Variants in ENDOD1 observed in about 807,000 individuals in gnomAD.
ENDOD1 encodes endonuclease domain-containing 1 protein.
Under a neutral mutation model 6.5 loss-of-function variants are expected in ENDOD1, and 9 were observed. The observed-to-expected ratio is 1.39, with a 90% CI of 0.84 to 2.43. The LOEUF (loss-of-function observed/expected upper bound fraction) is 2.43. Ranked by LOEUF, ENDOD1 falls within the 30% of genes most tolerant of loss-of-function variation. The pLI is 0.00. For missense variants in ENDOD1, 648 were observed against 635.5 expected, an observed-to-expected ratio of 1.02 and a Z score of -0.21; for synonymous variants, 255 against 255.2, an observed-to-expected ratio of 1.00 and a Z score of 0.01.
In ENDOD1 at chr11:95,130,099, TTG is replaced by T. The variant is rs1859356651; in HGVS notation, c.*522_*523del. On this transcript the variant is annotated 3_prime_UTR_variant, in exon 2 of 2. Coordinates refer to ENST00000278505, the MANE Select transcript of ENDOD1 (RefSeq NM_015036.3). ...TTGGTGGAATGCAGATAATGCCTCT[TTG>T]TTGAAATAACTTTGTGGGAATGTAC... 6.5e-6 allele frequency: 1 copy of T among 152,676 alleles called. No homozygotes were observed. Among genetic ancestry groups the T allele is most frequent in the African/African-American group, 2.4e-5 (1 of 41,458 alleles). 9.5% of individuals were successfully genotyped at this position (152,676 alleles called of 1,614,324 possible). A position where few individuals can be genotyped will look rare whatever the true frequency, so the allele number is the denominator to read the frequency against.
At chr11:95,094,145 AC>A (rs1358907231) in intron 1 of ENDOD1, among the ~76,000 whole-genome samples, 4 of 148,382 alleles carry the variant, frequency 2.7e-5, no homozygotes, top group African/African-American at 9.8e-5. Context: ...AATATATTAT[AC>A]ATATTAATTA....
intron 1 of ENDOD1, among the ~76,000 whole-genome samples, chr11:95,116,072 C>T (rs2134170853): frequency 6.6e-6 from 1 of 152,176 alleles, no homozygotes; most frequent in East Asian, 1.9e-4. Context: ...GGTATTAGTT[C>T]TTCTTTAAGT....
At chr11:95,123,050 G>A (rs1033499426) in intron 1 of ENDOD1, among the ~76,000 whole-genome samples, 3 of 152,034 alleles carry the variant, frequency 2.0e-5, no homozygotes, top group African/African-American at 4.8e-5. Context: ...TTAGCCAGGT[G>A]TGGTGGCACG....
intron 1 of ENDOD1, among the ~76,000 whole-genome samples, chr11:95,095,166 T>C (rs577451764): frequency 4.1e-4 from 63 of 152,336 alleles, no homozygotes; most frequent in African/African-American, 1.4e-3. Flanking sequence ...AAATGCTTGG[T>C]GTATGTCCCA....
At position 95,129,206 on chromosome 11, in the gene ENDOD1, A is replaced by G. The variant is rs1859344970; in HGVS notation, c.1130A>G (p.Tyr377Cys). ...ATTAATGGCATAGAAAGTTGCCTTT[A>G]CCGCCTGGGCTCAGCCACCATCTCA... ...QVINGIESCL[Y>C]RLGSATISYF... Residue 377 changes from tyrosine (Y) to cysteine (C), a missense_variant, in exon 2 of 2, where the codon TAC becomes TGC. Coordinates refer to ENST00000278505, the MANE Select transcript of ENDOD1 (RefSeq NM_015036.3). 4 of 1,614,160 alleles carry G rather than the reference A, an allele frequency of 2.5e-6. No individual in the cohort carries two copies. Among genetic ancestry groups the G allele is most frequent in the Non-Finnish European group, 3.4e-6 (4 of 1,180,036 alleles).
intron 1 of ENDOD1, among the ~76,000 whole-genome samples, chr11:95,090,440 G>A (rs1858919072): frequency 6.7e-6 from 1 of 149,804 alleles, no homozygotes; most frequent in Admixed American, 6.6e-5. Context: ...AGAGCCTGGC[G>A]ATCTGCGAGC....
At chr11:95,113,779 T>C (rs1413403751) in intron 1 of ENDOD1, among the ~76,000 whole-genome samples, 1 of 152,248 alleles carries the variant, frequency 6.6e-6, no homozygotes, top group African/African-American at 2.4e-5. Flanking sequence ...GTGGAATTGC[T>C]GCGTCATATT....
chr11:95,092,121 T>A (rs1858937263), intron 1 of ENDOD1, among the ~76,000 whole-genome samples: 1 of 152,042 alleles, frequency 6.6e-6, no homozygotes, highest in African/African-American at 2.4e-5. Context: ...TGTGGAAAGA[T>A]AAGGCAGAGT....
intron 1 of ENDOD1, among the ~76,000 whole-genome samples, chr11:95,107,265 C>T (rs897899863): frequency 1.3e-5 from 2 of 149,498 alleles, no homozygotes; most frequent in African/African-American, 4.9e-5. Context: ...ACCTAGGAGG[C>T]GGAGCTTGCA....
chr11:95,093,367 C>T (rs999159216), intron 1 of ENDOD1, among the ~76,000 whole-genome samples: 3 of 152,220 alleles, frequency 2.0e-5, no homozygotes, highest in Non-Finnish European at 2.9e-5. Context: ...TCCCTTTCTA[C>T]ACAGACCCCA....
intron 1 of ENDOD1, among the ~76,000 whole-genome samples, chr11:95,106,832 C>G (rs1859093990): frequency 1.3e-5 from 2 of 151,962 alleles, no homozygotes; most frequent in East Asian, 3.9e-4. Flanking sequence ...CCCCCCCTTT[C>G]CCCCGTCAGC....
Position 95,090,226 on chromosome 11 carries a change from A to C in ENDOD1, c.299A>C (p.Gln100Pro), listed in dbSNP as rs1555109727. The change falls in exon 1 of 2, where the codon CAG becomes CCG. Residue 100 changes from glutamine to proline, a missense_variant and splice_region_variant. Gln to Pro is a moderately conservative substitution (Grantham distance 76, BLOSUM62 -1). Transcript: ENST00000278505. Reference sequence around the variant, plus strand: ...GAGCAGCGATGGCTGGTGGAGCCGCAGGTAAGCGAAGTGGTTCCCGAGCCG... The same window carrying C: ...GAGCAGCGATGGCTGGTGGAGCCGCCGGTAAGCGAAGTGGTTCCCGAGCCG... Reference protein sequence around the residue: ...GAEQRWLVEPQIDDPNSNLEE... With the variant: ...GAEQRWLVEPPIDDPNSNLEE... The C allele has an allele frequency of 3.6e-6, 5 of 1,372,864 alleles. No homozygotes were observed. Among genetic ancestry groups the C allele is most frequent in the African/African-American group, 1.5e-5 (1 of 66,478 alleles). The allele number at this position is 1,372,864 out of a possible 1,614,324, so 85.0% of individuals were successfully genotyped here. A position where few individuals can be genotyped will look rare whatever the true frequency, so the allele number is the denominator to read the frequency against.
chr11:95,117,765 T>C (rs1256056892), intron 1 of ENDOD1, among the ~76,000 whole-genome samples: 1 of 152,190 alleles, frequency 6.6e-6, no homozygotes, highest in African/African-American at 2.4e-5. Context: ...ACATTCAGTG[T>C]TATTGATAAG....
chr11:95,120,649 A>G (rs990748585), intron 1 of ENDOD1, among the ~76,000 whole-genome samples: 2 of 151,698 alleles, frequency 1.3e-5, no homozygotes, highest in African/African-American at 4.8e-5. Flanking sequence ...GGGTGATGCC[A>G]GCACTCCCTT....
chr11:95,100,206 T>C (rs1481149730), intron 1 of ENDOD1, among the ~76,000 whole-genome samples: 1 of 152,116 alleles, frequency 6.6e-6, no homozygotes, highest in Non-Finnish European at 1.5e-5. Context: ...TTATCTGAAC[T>C]CTAGGGCCCA....
chr11:95,099,858 C>A (rs641937), intron 1 of ENDOD1, among the ~76,000 whole-genome samples: 1 of 151,972 alleles, frequency 6.6e-6, no homozygotes, highest in Admixed American at 6.5e-5. Context: ...GTGTTTATAA[C>A]TAAGGGATCC....
At position 95,128,692 on chromosome 11, in the gene ENDOD1, G is replaced by C; in HGVS notation, c.616G>C (p.Asp206His). 1.2e-6 allele frequency: 2 copies of C among 1,614,176 alleles called. No individual in the cohort carries two copies. The highest frequency in any genetic ancestry group is 2.2e-5 in the East Asian group (1 of 44,876). ...LYILTGTVPS[D>H]YRVKDKVAVP... Reference sequence around the variant, plus strand: ...TATCCTCACAGGCACAGTGCCCTCAGACTACAGAGTTAAAGACAAAGTGGC... The same window carrying C: ...TATCCTCACAGGCACAGTGCCCTCACACTACAGAGTTAAAGACAAAGTGGC... The change falls in exon 2 of 2, where the codon GAC (aspartate) becomes CAC (histidine). Residue 206 changes from aspartate to histidine, a missense_variant. Coordinates refer to ENST00000278505, the MANE Select transcript of ENDOD1 (RefSeq NM_015036.3).
At chr11:95,112,444 A>G (rs1555112027) in intron 1 of ENDOD1, among the ~76,000 whole-genome samples, 1 of 152,202 alleles carries the variant, frequency 6.6e-6, no homozygotes, top group African/African-American at 2.4e-5. Flanking sequence ...CATGTCTGAC[A>G]TGGAGATGAT....
intron 1 of ENDOD1, among the ~76,000 whole-genome samples, chr11:95,090,708 G>A (rs1565442242): frequency 1.3e-5 from 2 of 152,144 alleles, no homozygotes; most frequent in Non-Finnish European, 2.9e-5. Flanking sequence ...TAAACCCAGG[G>A]GGTGAAGAGA....
Sources: allele counts gnomAD v4.1 joint callset (sites outside exome capture counted in the v4.1 genomes callset), GRCh38; gene constraint gnomAD v4.1.1; transcripts MANE v1.5; gene names NCBI Gene and HGNC (gene_info 2026-07-23, HGNC 2026-07-21).